ADAMTS6: variants seen among roughly 807,000 people sequenced by gnomAD.
The protein encoded by ADAMTS6 is A disintegrin and metalloproteinase with thrombospondin motifs 6.
A neutral mutation model predicts 144.3 loss-of-function variants in ADAMTS6; 23 were observed. The observed-to-expected ratio is 0.16, with a 90% CI of 0.11 to 0.23. ADAMTS6 has a LOEUF of 0.23. Ranked by LOEUF, ADAMTS6 falls within the 10% of genes least tolerant of loss-of-function variation. ADAMTS6 has a pLI of 1.00. For synonymous variants in ADAMTS6, 444 were observed against 457.5 expected, an observed-to-expected ratio of 0.97 and a Z score of 0.38; for missense variants, 999 against 1,379.6, an observed-to-expected ratio of 0.72 and a Z score of 4.37.
At chr5:65,434,841 A>T (rs1450196424) in intron 7 of ADAMTS6, among the ~76,000 whole-genome samples, 1 of 151,536 alleles carries the variant, frequency 6.6e-6, no homozygotes, top group Non-Finnish European at 1.5e-5. Flanking sequence ...TGCTTAGCAG[A>T]CATAAAATGA....
At chr5:65,177,146 G>A (rs1024913154) in intron 22 of ADAMTS6, among the ~76,000 whole-genome samples, 9 of 152,142 alleles carry the variant, frequency 5.9e-5, no homozygotes, top group African/African-American at 2.2e-4. Context: ...TAACCACTGA[G>A]ACTGCCGTTC....
intron 21 of ADAMTS6, among the ~76,000 whole-genome samples, chr5:65,195,997 G>C (rs1755317625): frequency 6.6e-6 from 1 of 152,200 alleles, no homozygotes; most frequent in African/African-American, 2.4e-5. Flanking sequence ...AGATTATAAT[G>C]TGTGGCTCAT....
At chr5:65,260,128 C>T (rs1291231755) in intron 14 of ADAMTS6, among the ~76,000 whole-genome samples, 1 of 151,980 alleles carries the variant, frequency 6.6e-6, no homozygotes, top group Non-Finnish European at 1.5e-5. Context: ...TTTTGAATTC[C>T]TGAAAGTACA....
At chr5:65,403,947 A>T (rs1580618699) in intron 7 of ADAMTS6, among the ~76,000 whole-genome samples, 2 of 152,192 alleles carry the variant, frequency 1.3e-5, no homozygotes, top group East Asian at 3.9e-4. Context: ...CAGAAAAAAA[A>T]GAGTGCCTGA....
chr5:65,218,212 T>C (rs72760507), intron 18 of ADAMTS6, among the ~76,000 whole-genome samples: 37,592 of 152,068 alleles, frequency 0.25, 5,762 homozygotes, highest in Admixed American at 0.36. Flanking sequence ...TGCATTTCAA[T>C]CACCAGGCCA....
chr5:65,319,549 A>G (rs1242519788), intron 9 of ADAMTS6, among the ~76,000 whole-genome samples: 1 of 149,998 alleles, frequency 6.7e-6, no homozygotes, highest in African/African-American at 2.4e-5. Context: ...ATATATGCAA[A>G]AATACAAGAA....
rs1349427690 is a variant in ADAMTS6 at position 65,460,055 on chromosome 5, TAATTGTAGTCA to T, written c.631+104_631+114del. ...TCTATTAAAAGGGCTCTGGACATTA[TAATTGTAGTCA>T]AACTCCTACTTCCTTTTATTGCTAA... On this transcript the variant is annotated intron_variant, in intron 4 of 24. Transcript: ENST00000381055. The T allele has an allele frequency of 8.0e-5, 93 of 1,165,922 alleles. 2 individuals are homozygous for T. In the Admixed American group the frequency reaches 2.6e-3, roughly 33 times the overall value. 72.2% of individuals were successfully genotyped at this position (1,165,922 alleles called of 1,614,324 possible).
chr5:65,407,939 GC>G (rs1481339662), intron 7 of ADAMTS6, among the ~76,000 whole-genome samples: 1 of 152,052 alleles, frequency 6.6e-6, no homozygotes, highest in East Asian at 1.9e-4. Flanking sequence ...TTACAGACAA[GC>G]AAATGCTGAG....
At position 65,464,343 on chromosome 5, in the gene ADAMTS6, TAAA is replaced by T. The variant is rs769597805; in HGVS notation, c.463-4008_463-4006del. 7.7e-4 allele frequency among the ~76,000 whole-genome samples: 117 copies of T among 152,330 alleles called. 1 individual carries two copies. The highest frequency in any genetic ancestry group is 7.5e-4 in the Non-Finnish European group (51 of 68,032). ...AATACATATAACTTGTGTAACACCTTAAATAAGATATTCAGTGGCTCTAATAAC... is the reference window on the plus strand; with the variant it reads ...AATACATATAACTTGTGTAACACCTTTAAGATATTCAGTGGCTCTAATAAC... On this transcript the variant is annotated intron_variant, in intron 3 of 24. Transcript: ENST00000381055.
intron 22 of ADAMTS6, among the ~76,000 whole-genome samples, chr5:65,186,626 A>AT (rs1286422135): frequency 2.0e-5 from 3 of 152,164 alleles, no homozygotes; most frequent in Non-Finnish European, 4.4e-5. Flanking sequence ...TTATCAATGG[A>AT]TTTTATCTTT....
rs1288813703 is a variant in ADAMTS6 at position 65,275,454 on chromosome 5, GAA to G, written c.1513-2009_1513-2008del. On this transcript the variant is annotated intron_variant, in intron 11 of 24. Coordinates refer to ENST00000381055, the MANE Select transcript of ADAMTS6 (RefSeq NM_197941.4). ...AAAGAAAAGAAAAAAGAAAGAGAAA[GAA>G]AGAAAGAAAGAGAAAGAAAGGGATC... Among the ~76,000 whole-genome samples the G allele has an allele frequency of 3.3e-5, 5 of 150,748 alleles. No individual in the cohort carries two copies. The East Asian group carries it at 9.7e-4, about 29-fold the overall frequency.
intron 10 of ADAMTS6, among the ~76,000 whole-genome samples, chr5:65,296,281 G>A (rs1459166495): frequency 6.6e-6 from 1 of 152,142 alleles, no homozygotes; most frequent in Non-Finnish European, 1.5e-5. Flanking sequence ...TAAGTCAACT[G>A]TCTTACGTAC....
intron 14 of ADAMTS6, among the ~76,000 whole-genome samples, chr5:65,254,017 G>C (rs534346915): frequency 1.4e-4 from 21 of 148,952 alleles, no homozygotes; most frequent in African/African-American, 5.1e-4. Context: ...GCTAATTTTT[G>C]TATTTTTTGT....
At chr5:65,184,066 C>T (rs534735874) in intron 22 of ADAMTS6, among the ~76,000 whole-genome samples, 1 of 152,088 alleles carries the variant, frequency 6.6e-6, no homozygotes, top group South Asian at 2.1e-4. Flanking sequence ...ATTTTTTCCT[C>T]TTTATTCATA....
chr5:65,451,264 G>A (rs900166235), intron 7 of ADAMTS6: 5 of 469,248 alleles, frequency 1.1e-5, no homozygotes, highest in African/African-American at 6.2e-5. Context: ...AAATTTCTAA[G>A]TCAAATCTTA....
At chr5:65,437,501 C>T (rs1406881189) in intron 7 of ADAMTS6, among the ~76,000 whole-genome samples, 1 of 152,100 alleles carries the variant, frequency 6.6e-6, no homozygotes, top group Non-Finnish European at 1.5e-5. Context: ...TCCCACCAGG[C>T]CCCTCCCACA....
chr5:65,362,348 A>G (rs972065364), intron 7 of ADAMTS6, among the ~76,000 whole-genome samples: 2 of 152,192 alleles, frequency 1.3e-5, no homozygotes, highest in Non-Finnish European at 2.9e-5. Flanking sequence ...ACTTTATAGC[A>G]TTGCTAGGAA....
chr5:65,263,415 A>T (rs1329715221), intron 12 of ADAMTS6, among the ~76,000 whole-genome samples: 2 of 123,704 alleles, frequency 1.6e-5, no homozygotes, highest in Non-Finnish European at 3.3e-5. Flanking sequence ...GCTCTTTCTT[A>T]AAAAAAAAAA....
intron 9 of ADAMTS6, among the ~76,000 whole-genome samples, chr5:65,316,946 C>T (rs553772999): frequency 1.4e-3 from 219 of 152,036 alleles, no homozygotes; most frequent in African/African-American, 5.1e-3. Flanking sequence ...AGACTACAAG[C>T]GTGCGCCATC....
Sources: allele counts gnomAD v4.1 joint callset (sites outside exome capture counted in the v4.1 genomes callset), GRCh38; gene constraint gnomAD v4.1.1; transcripts MANE v1.5; gene names NCBI Gene and HGNC (gene_info 2026-07-23, HGNC 2026-07-21).